IGFBP7: variants seen among roughly 807,000 people sequenced by gnomAD.
The protein encoded by IGFBP7 is insulin like growth factor binding protein 7.
Under a neutral mutation model 29.4 loss-of-function variants are expected in IGFBP7, and 31 were observed. The observed-to-expected ratio is 1.05, with a 90% confidence interval of 0.79 to 1.42. The LOEUF (loss-of-function observed/expected upper bound fraction) is 1.42, where lower values mean the gene tolerates loss of function less well. Ranked by LOEUF, IGFBP7 falls within the 40% of genes most tolerant of loss-of-function variation. The pLI, the probability that IGFBP7 is intolerant of heterozygous loss-of-function variation, is 0.00. For missense variants in IGFBP7, 393 were observed against 395.5 expected, an observed-to-expected ratio of 0.99 and a Z score of 0.05; for synonymous variants, 172 against 174.9, an observed-to-expected ratio of 0.98 and a Z score of 0.13.
intron 1 of IGFBP7, among the ~76,000 whole-genome samples, chr4:57,091,403 G>A (rs758227640): frequency 3.9e-5 from 6 of 152,146 alleles, no homozygotes; most frequent in Non-Finnish European, 8.8e-5. Context: ...GTGTGTGTCC[G>A]TGTACACACC....
At chr4:57,044,156 C>T (rs779550583) in intron 1 of IGFBP7, among the ~76,000 whole-genome samples, 3 of 152,212 alleles carry the variant, frequency 2.0e-5, no homozygotes, top group Non-Finnish European at 2.9e-5. Flanking sequence ...GATCTGAGGG[C>T]CTCAGCCCTG....
At chr4:57,075,962 G>A (rs1419212465) in intron 1 of IGFBP7, among the ~76,000 whole-genome samples, 3 of 152,124 alleles carry the variant, frequency 2.0e-5, no homozygotes, top group Non-Finnish European at 4.4e-5. Context: ...TCAGGAATAC[G>A]ATATAAAAAT....
intron 1 of IGFBP7, among the ~76,000 whole-genome samples, chr4:57,106,447 G>A (rs1283273365): frequency 6.6e-6 from 1 of 152,136 alleles, no homozygotes; most frequent in African/African-American, 2.4e-5. Context: ...AACTTCTACA[G>A]AGGCATGAAA....
intron 1 of IGFBP7, among the ~76,000 whole-genome samples, chr4:57,046,763 C>A (rs1033555437): frequency 1.1e-4 from 17 of 151,970 alleles, no homozygotes; most frequent in Admixed American, 9.8e-4. Context: ...CCACCCTCGG[C>A]AACTCCAGAA....
intron 1 of IGFBP7, among the ~76,000 whole-genome samples, chr4:57,052,811 G>A (rs1320040444): frequency 2.0e-5 from 3 of 152,160 alleles, no homozygotes; most frequent in African/African-American, 4.8e-5. Context: ...CTTTGATGCT[G>A]AGAATCTTCG....
At chr4:57,109,298 G>C (rs116345661) in intron 1 of IGFBP7, among the ~76,000 whole-genome samples, 1 of 152,206 alleles carries the variant, frequency 6.6e-6, no homozygotes, top group African/African-American at 2.4e-5. Flanking sequence ...AATTGGCCAG[G>C]CGTGGTGGCA....
At chr4:57,073,069 C>A in intron 1 of IGFBP7, 1 of 1,507,646 alleles carries the variant, frequency 6.6e-7, no homozygotes, top group Non-Finnish European at 9.2e-7. Context: ...GGAAACCCCC[C>A]ACAGCTTTTA....
intron 1 of IGFBP7, among the ~76,000 whole-genome samples, chr4:57,059,443 C>A (rs1724745093): frequency 6.6e-6 from 1 of 152,182 alleles, no homozygotes; most frequent in African/African-American, 2.4e-5. Context: ...ATGTCTTTTG[C>A]AGGAACACGG....
chr4:57,046,391 C>T (rs1217045712), intron 1 of IGFBP7, among the ~76,000 whole-genome samples: 1 of 152,110 alleles, frequency 6.6e-6, no homozygotes, highest in Non-Finnish European at 1.5e-5. Context: ...CTAACTCTTT[C>T]CACTCTACCT....
chr4:57,100,896 G>T (rs1168050313), intron 1 of IGFBP7, among the ~76,000 whole-genome samples: 1 of 152,202 alleles, frequency 6.6e-6, no homozygotes, highest in African/African-American at 2.4e-5. Flanking sequence ...TGTCTGACCT[G>T]CAGTGTCTTT....
intron 1 of IGFBP7, among the ~76,000 whole-genome samples, chr4:57,060,922 C>G (rs1364076023): frequency 6.6e-6 from 1 of 151,936 alleles, no homozygotes; most frequent in Non-Finnish European, 1.5e-5. Context: ...GTTTTTTTTC[C>G]TGTAGTCCCA....
intron 1 of IGFBP7, among the ~76,000 whole-genome samples, chr4:57,086,953 C>T (rs562511707): frequency 3.3e-5 from 5 of 152,244 alleles, no homozygotes; most frequent in Admixed American, 6.5e-5. Flanking sequence ...AAGCTGGTCT[C>T]GAACTCCTGA....
chr4:57,039,001 G>GTTGCGGTGAGCCGAGA (rs1724153624), intron 2 of IGFBP7, among the ~76,000 whole-genome samples: 2 of 150,472 alleles, frequency 1.3e-5, no homozygotes, highest in African/African-American at 4.9e-5. Flanking sequence ...GGGAGGCGAG[G>GTTGCGGTGAGCCGAGA]TTGCGGTGAG....
chr4:57,059,269 C>T (rs1724740710), intron 1 of IGFBP7, among the ~76,000 whole-genome samples: 3 of 152,210 alleles, frequency 2.0e-5, no homozygotes, highest in South Asian at 4.1e-4. Flanking sequence ...GGACATAAAT[C>T]ATTCTACCAT....
chr4:57,099,140 G>A lies in IGFBP7; in HGVS notation c.475+10737C>T, dbSNP rs11573032. Among the ~76,000 whole-genome samples the A allele has an allele frequency of 6.0e-3, 906 of 152,246 alleles. 10 individuals carry two copies. The highest frequency in any genetic ancestry group is 0.02 in the African/African-American group (842 of 41,538). On this transcript the variant is annotated intron_variant, in intron 1 of 4. Transcript: ENST00000295666. ...TGGTGATGTAAATGAAAATGCCTTT[G>A]AGCATTTCTCACTCAGAGAAAAAGA...
intron 1 of IGFBP7, among the ~76,000 whole-genome samples, chr4:57,049,141 TA>T (rs1724438920): frequency 6.6e-6 from 1 of 152,162 alleles, no homozygotes; most frequent in Admixed American, 6.5e-5. Context: ...CCTCAGGGAT[TA>T]AAAAAATAGA....
intron 1 of IGFBP7, among the ~76,000 whole-genome samples, chr4:57,095,222 T>G (rs1049144948): frequency 1.3e-5 from 2 of 152,202 alleles, no homozygotes; most frequent in African/African-American, 4.8e-5. Context: ...TAATTTATAT[T>G]AAATAACGTG....
chr4:57,101,867 T>C (rs1725905188), intron 1 of IGFBP7, among the ~76,000 whole-genome samples: 1 of 152,174 alleles, frequency 6.6e-6, no homozygotes, highest in Admixed American at 6.5e-5. Flanking sequence ...AAAGACTCAC[T>C]GGGAAATCTT....
intron 1 of IGFBP7, among the ~76,000 whole-genome samples, chr4:57,075,354 T>C (rs940647692): frequency 1.3e-5 from 2 of 152,178 alleles, no homozygotes; most frequent in Non-Finnish European, 2.9e-5. Flanking sequence ...TTTAAAATAA[T>C]GTTTCATTGT....
Sources: gnomAD v4.1 joint callset for allele counts (sites outside exome capture counted in the v4.1 genomes callset) on GRCh38, gnomAD v4.1.1 for gene constraint, MANE v1.5 for transcripts, NCBI Gene and HGNC (gene_info 2026-07-23, HGNC 2026-07-21) for gene names.